CTIF: variants seen among roughly 807,000 people sequenced by gnomAD.
CTIF encodes the protein cap binding complex dependent translation initiation factor, also known as CBP80/20-dependent translation initiation factor.
Under a neutral mutation model 66.0 loss-of-function variants are expected in CTIF, and 21 were observed. The observed-to-expected ratio is 0.32, with a 90% CI of 0.23 to 0.46. CTIF has a LOEUF of 0.46. Among genes scored for constraint, CTIF ranks in the 20% least tolerant of loss-of-function variants. The pLI, the probability that CTIF is intolerant of heterozygous loss-of-function variation, is 1.00. For missense variants in CTIF, 739 were observed against 812.7 expected, an observed-to-expected ratio of 0.91 and a Z score of 1.10; for synonymous variants, 345 against 326.4, an observed-to-expected ratio of 1.06 and a Z score of -0.62.
intron 3 of CTIF, among the ~76,000 whole-genome samples, chr18:48,656,267 G>A (rs1314961457): frequency 6.6e-6 from 1 of 152,232 alleles, no homozygotes; most frequent in Non-Finnish European, 1.5e-5. Context: ...CATGCATAGT[G>A]TACAGTGGTT....
chr18:48,662,897 A>C (rs1328178531), intron 3 of CTIF, among the ~76,000 whole-genome samples: 2 of 152,118 alleles, frequency 1.3e-5, no homozygotes, highest in Non-Finnish European at 2.9e-5. Flanking sequence ...TTATTTATCG[A>C]ATCAGCTGAT....
At chr18:48,720,185 A>C (rs984339875) in intron 7 of CTIF, among the ~76,000 whole-genome samples, 1 of 152,208 alleles carries the variant, frequency 6.6e-6, no homozygotes, top group African/African-American at 2.4e-5. Flanking sequence ...GCTGAAGATA[A>C]AGAAGTATGT....
At chr18:48,741,768 A>G (rs2092556804) in intron 7 of CTIF, among the ~76,000 whole-genome samples, 1 of 152,024 alleles carries the variant, frequency 6.6e-6, no homozygotes, top group African/African-American at 2.4e-5. Context: ...TTCCCACCCA[A>G]AAGAAGTGGA....
chr18:48,591,732 T>G (rs2089890920), intron 1 of CTIF, among the ~76,000 whole-genome samples: 1 of 152,182 alleles, frequency 6.6e-6, no homozygotes, highest in African/African-American at 2.4e-5. Context: ...GCATTTCTGG[T>G]GCTGCACTTT....
intron 1 of CTIF, among the ~76,000 whole-genome samples, chr18:48,594,362 A>G (rs1027188486): frequency 7.4e-6 from 1 of 134,986 alleles, no homozygotes; most frequent in African/African-American, 2.8e-5. Context: ...CTCGAAAATT[A>G]TATAGCCAGT....
Position 48,761,322 on chromosome 18 carries a change from A to C in CTIF, c.1072-68A>C. On this transcript the variant is annotated intron_variant, in intron 8 of 11. Coordinates refer to ENST00000256413, the MANE Select transcript of CTIF (RefSeq NM_014772.3). The surrounding 1 kb of genome is among the most constrained non-coding windows in gnomAD (Gnocchi z 4.2). Reference sequence around the variant, plus strand: ...TTCTGGGGGTGGCCACCCTCTTTCCACCAGGCCACCCCTGCACAGAGACCT... The same window carrying C: ...TTCTGGGGGTGGCCACCCTCTTTCCCCCAGGCCACCCCTGCACAGAGACCT... 2 of 1,506,008 alleles carry C rather than the reference A, an allele frequency of 1.3e-6. No individual in the cohort carries two copies. Among genetic ancestry groups the C allele is most frequent in the Non-Finnish European group, 1.8e-6 (2 of 1,108,148 alleles). 93.3% of individuals were successfully genotyped at this position (1,506,008 alleles called of 1,614,324 possible). A position where few individuals can be genotyped will look rare whatever the true frequency, so the allele number is the denominator to read the frequency against.
chr18:48,669,180 AAC>A (rs1187406329), intron 5 of CTIF, among the ~76,000 whole-genome samples: 1 of 149,480 alleles, frequency 6.7e-6, no homozygotes, highest in Non-Finnish European at 1.5e-5. Context: ...TGAGGGCAGG[AAC>A]CAAAACTGAT....
chr18:48,559,495 C>G (rs547859855), intron 1 of CTIF, among the ~76,000 whole-genome samples: 1 of 152,152 alleles, frequency 6.6e-6, no homozygotes, highest in Non-Finnish European at 1.5e-5. Flanking sequence ...TGTGAAAAAC[C>G]ACCCCAAAAC....
intron 7 of CTIF, among the ~76,000 whole-genome samples, chr18:48,739,860 G>A (rs139059006): frequency 6.4e-4 from 97 of 152,286 alleles, no homozygotes; most frequent in African/African-American, 1.8e-3. Flanking sequence ...TCTCCCTCCC[G>A]TCTTCCTCCC....
intron 5 of CTIF, among the ~76,000 whole-genome samples, chr18:48,667,762 A>G (rs1474604803): frequency 6.6e-6 from 1 of 152,204 alleles, no homozygotes; most frequent in East Asian, 1.9e-4. Flanking sequence ...ATTTGCTGAG[A>G]GTCACCTGGG....
At chr18:48,637,849 G>T (rs997815335) in intron 3 of CTIF, among the ~76,000 whole-genome samples, 1 of 152,060 alleles carries the variant, frequency 6.6e-6, no homozygotes, top group Non-Finnish European at 1.5e-5. Flanking sequence ...TTGTTCTGCC[G>T]CAAACTTGGT....
In CTIF at chr18:48,581,672, C is replaced by T. The variant is rs2089661006; in HGVS notation, c.-28-37866C>T. Among the ~76,000 whole-genome samples the T allele has an allele frequency of 3.3e-5, 5 of 152,288 alleles. No homozygotes were observed. The South Asian group carries it at 8.3e-4, about 25-fold the overall frequency. ...TCGGGCAGCCAGTGACCCCTTCCACCTCATTTCTTTCTTTTTGTTGCCTGC... is the reference window on the plus strand; with the variant it reads ...TCGGGCAGCCAGTGACCCCTTCCACTTCATTTCTTTCTTTTTGTTGCCTGC... On this transcript the variant is annotated intron_variant, in intron 1 of 11. Coordinates refer to ENST00000256413, the MANE Select transcript of CTIF (RefSeq NM_014772.3).
At chr18:48,715,423 C>T (rs188869512) in intron 7 of CTIF, among the ~76,000 whole-genome samples, 5 of 152,304 alleles carry the variant, frequency 3.3e-5, no homozygotes, top group East Asian at 3.9e-4. Flanking sequence ...GTGTTCCACG[C>T]GTTCCTCAAA....
At chr18:48,771,821 C>G (rs922855085) in intron 9 of CTIF, among the ~76,000 whole-genome samples, 3 of 152,222 alleles carry the variant, frequency 2.0e-5, no homozygotes, top group Non-Finnish European at 4.4e-5. Flanking sequence ...GGCCCCCAGC[C>G]GCCGCGGGGA....
chr18:48,576,384 C>T (rs1261933814), intron 1 of CTIF, among the ~76,000 whole-genome samples: 1 of 152,220 alleles, frequency 6.6e-6, no homozygotes, highest in Non-Finnish European at 1.5e-5. Flanking sequence ...AGGCGGGGTA[C>T]TGGTGCCAGT....
In CTIF at chr18:48,724,564, C is replaced by T. The variant is rs536522067; in HGVS notation, c.584+12869C>T. Among the ~76,000 whole-genome samples, 4 of 152,314 alleles carry T rather than the reference C, an allele frequency of 2.6e-5. No individual in the cohort carries two copies. In the East Asian group the frequency reaches 5.8e-4, roughly 22 times the overall value. On this transcript the variant is annotated intron_variant, in intron 7 of 11. Coordinates refer to ENST00000256413, the MANE Select transcript of CTIF (RefSeq NM_014772.3). ...TTCTGCTGACTCCTTCCTACTCCTCCACCCCTTACTATTCATGGCCTCATT... is the reference window on the plus strand; with the variant it reads ...TTCTGCTGACTCCTTCCTACTCCTCTACCCCTTACTATTCATGGCCTCATT...
Position 48,836,464 on chromosome 18 carries a change from T to C in CTIF, c.1527+19088T>C, listed in dbSNP as rs763230944. Among the ~76,000 whole-genome samples, 56 of 152,254 alleles carry C rather than the reference T, an allele frequency of 3.7e-4. No homozygotes were observed. The South Asian group carries it at 4.8e-3, about 13-fold the overall frequency. On this transcript the variant is annotated intron_variant, in intron 10 of 11. Coordinates refer to ENST00000256413, the MANE Select transcript of CTIF (RefSeq NM_014772.3). ...ACCCTGCTGCCCCCTAAGATGCGTA[T>C]GGGGCAGGCCCTCCAGCTTCTCACA...
At chr18:48,712,910 GC>G in intron 7 of CTIF, among the ~76,000 whole-genome samples, 1 of 152,240 alleles carries the variant, frequency 6.6e-6, no homozygotes, top group East Asian at 1.9e-4. Flanking sequence ...ACAGAGGATG[GC>G]AAATGTATAA....
intron 3 of CTIF, among the ~76,000 whole-genome samples, chr18:48,644,810 C>T (rs564889664): frequency 6.6e-6 from 1 of 152,286 alleles, no homozygotes; most frequent in East Asian, 1.9e-4. Context: ...AGAGGTGAGA[C>T]ATACAGGCAA....
Sources: gnomAD v4.1 joint callset for allele counts (sites outside exome capture counted in the v4.1 genomes callset) on GRCh38, gnomAD v4.1.1 for gene constraint, Gnocchi (gnomAD v3.1) non-coding constraint, MANE v1.5 for transcripts, NCBI Gene and HGNC (gene_info 2026-07-23, HGNC 2026-07-21) for gene names.